The following ZC3H18 variants were observed in gnomAD, a reference collection of about 807,000 sequenced individuals.
ZC3H18 encodes the protein zinc finger CCCH domain-containing protein 18.
ZC3H18 carries 8 observed loss-of-function variants against 106.1 expected under a neutral mutation model. That is an observed-to-expected ratio of 0.08 (90% CI 0.04 to 0.14). ZC3H18 has a LOEUF of 0.14. Ranked by LOEUF, ZC3H18 falls within the 10% of genes least tolerant of loss-of-function variation. The probability of loss-of-function intolerance (pLI) is 1.00; values close to 1 mark genes in which losing one functional copy is unlikely to be tolerated. For missense variants in ZC3H18, 1,318 were observed against 1,278.4 expected, an observed-to-expected ratio of 1.03 and a Z score of -0.47; for synonymous variants, 635 against 522.1, an observed-to-expected ratio of 1.22 and a Z score of -2.95.
In ZC3H18 at chr16:88,575,450, G is replaced by A. The variant is rs1017730315; in HGVS notation, c.-14-1660G>A. ...TCACAGACTGAACAGTCAAGTGACC[G>A]CTGACCTGGCACTGTCCCTGCTGCT... On this transcript the variant is annotated intron_variant, in intron 1 of 17. Transcript: ENST00000301011. 3.9e-5 allele frequency among the ~76,000 whole-genome samples: 6 copies of A among 152,076 alleles called. No homozygotes were observed. The East Asian group carries it at 1.2e-3, about 29-fold the overall frequency.
chr16:88,621,446 G>T (rs186539890), intron 8 of ZC3H18, among the ~76,000 whole-genome samples: 2 of 152,032 alleles, frequency 1.3e-5, no homozygotes, highest in Non-Finnish European at 2.9e-5. Context: ...GGATGGTCTC[G>T]ATCTCTTGAC....
chr16:88,603,100 G>A (rs1055629464), intron 6 of ZC3H18, among the ~76,000 whole-genome samples: 24 of 151,876 alleles, frequency 1.6e-4, no homozygotes, highest in Non-Finnish European at 2.6e-4. Flanking sequence ...GAGTAGCTGG[G>A]ACTACAGGCG....
intron 12 of ZC3H18, 135 bp from the exon 13 acceptor site, chr16:88,625,067 A>G (rs1869247170): frequency 4.8e-6 from 5 of 1,041,434 alleles, no homozygotes; most frequent in Non-Finnish European, 7.0e-6. Context: ...AAAGGAAGAC[A>G]GGCCCAGGCC....
At chr16:88,601,992 G>T (rs187892308) in intron 6 of ZC3H18, among the ~76,000 whole-genome samples, 27 of 152,372 alleles carry the variant, frequency 1.8e-4, no homozygotes, top group Non-Finnish European at 7.3e-5. Context: ...CACCAGGTAG[G>T]TTGCTACAGA....
intron 8 of ZC3H18, among the ~76,000 whole-genome samples, 157 bp downstream of exon 8, chr16:88,611,693 A>G (rs1222023837): frequency 6.6e-6 from 1 of 152,206 alleles, no homozygotes; most frequent in African/African-American, 2.4e-5. Context: ...TTCCAAACCC[A>G]GAGCTCTCCA....
chr16:88,588,013 C>A (rs924934464), intron 3 of ZC3H18, among the ~76,000 whole-genome samples: 1 of 152,268 alleles, frequency 6.6e-6, no homozygotes, highest in South Asian at 2.1e-4. Context: ...TGTGAGGGGC[C>A]CCTACTGGGG....
intron 7 of ZC3H18, 22 bp from the exon 8 acceptor site, chr16:88,611,243 CCAT>C (rs781039380): frequency 1.3e-6 from 1 of 757,320 alleles, no homozygotes. Flanking sequence ...CACGGTGTCC[CCAT>C]GTGTTTGGCT....
intron 6 of ZC3H18, among the ~76,000 whole-genome samples, chr16:88,601,544 TATCAGTGTTG>T (rs767413006): frequency 5.1e-4 from 78 of 151,980 alleles, no homozygotes; most frequent in Non-Finnish European, 9.3e-4. Flanking sequence ...GTGTTTTACC[TATCAGTGTTG>T]GTTACAGAAA....
At chr16:88,614,081 C>G (rs1053305416) in intron 8 of ZC3H18, among the ~76,000 whole-genome samples, 32 of 152,236 alleles carry the variant, frequency 2.1e-4, no homozygotes, top group African/African-American at 7.7e-4. Context: ...CCATGGCCTG[C>G]AGGACTTCCC....
At chr16:88,623,178 C>G in intron 9 of ZC3H18, 41 bp from the exon 10 acceptor site, 1 of 1,600,380 alleles carries the variant, frequency 6.2e-7, no homozygotes, top group South Asian at 1.1e-5. Context: ...GCAGGGAGGG[C>G]CCTTCTCACT....
At chr16:88,588,982 A>T (rs971651611) in intron 3 of ZC3H18, among the ~76,000 whole-genome samples, 13 of 152,056 alleles carry the variant, frequency 8.5e-5, no homozygotes, top group Admixed American at 7.9e-4. Flanking sequence ...TATTCTGTAG[A>T]GTGAGGTGAT....
chr16:88,607,553 A>G (rs1905072259), intron 6 of ZC3H18, among the ~76,000 whole-genome samples: 1 of 151,904 alleles, frequency 6.6e-6, no homozygotes, highest in Admixed American at 6.6e-5. Flanking sequence ...GTCAGGTTTC[A>G]AAACCCCCAT....
chr16:88,631,702 G>A lies in ZC3H18; in HGVS notation c.*403G>A, dbSNP rs1281194939. 4 of 451,326 alleles carry A rather than the reference G, an allele frequency of 8.9e-6. No homozygotes were observed. The highest frequency in any genetic ancestry group is 2.0e-5 in the African/African-American group (1 of 49,716). 28.0% of individuals were successfully genotyped at this position (451,326 alleles called of 1,614,324 possible). A position where few individuals can be genotyped will look rare whatever the true frequency, so the allele number is the denominator to read the frequency against. On this transcript the variant is annotated 3_prime_UTR_variant, in exon 18 of 18. Transcript: ENST00000301011. ...CTCCTGAGCTGAGAAACGGAACCTC[G>A]CGAACCACTGGTGGCACATCCTTCT...
chr16:88,598,928 C>T (rs1490427108), intron 5 of ZC3H18, among the ~76,000 whole-genome samples: 2 of 152,158 alleles, frequency 1.3e-5, no homozygotes, highest in African/African-American at 2.4e-5. Context: ...GGCCCAAACT[C>T]GACTCACTGC....
At chr16:88,599,553 A>G (rs772071825) in intron 5 of ZC3H18, among the ~76,000 whole-genome samples, 1 of 152,172 alleles carries the variant, frequency 6.6e-6, no homozygotes, top group African/African-American at 2.4e-5. Flanking sequence ...GAAGTGATGA[A>G]CACCTCATGT....
chr16:88,599,965 C>T lies in ZC3H18; in HGVS notation c.1088+17C>T, dbSNP rs1904659394. The T allele has an allele frequency of 6.2e-7, 1 of 1,612,148 alleles. No individual in the cohort carries two copies. Among genetic ancestry groups the T allele is most frequent in the Non-Finnish European group, 8.5e-7 (1 of 1,178,802 alleles). ...AGACACAGTGTAAGGAATGGCCCTGCCTGCCCCTCCGTTTCCTTCCTGCAT... is the reference window on the plus strand; with the variant it reads ...AGACACAGTGTAAGGAATGGCCCTGTCTGCCCCTCCGTTTCCTTCCTGCAT... On this transcript the variant is annotated intron_variant, in intron 6 of 17. Transcript: ENST00000301011.
chr16:88,625,493 C>T lies in ZC3H18; in HGVS notation c.2108+226C>T. The T allele has an allele frequency of 6.9e-6, 4 of 582,072 alleles. No individual in the cohort carries two copies. The South Asian group carries it at 8.0e-5, about 12-fold the overall frequency. 36.1% of individuals were successfully genotyped at this position (582,072 alleles called of 1,614,324 possible). A position where few individuals can be genotyped will look rare whatever the true frequency, so the allele number is the denominator to read the frequency against. On this transcript the variant is annotated intron_variant, in intron 13 of 17. Coordinates refer to ENST00000301011, the MANE Select transcript of ZC3H18 (RefSeq NM_144604.4). Reference sequence around the variant, plus strand: ...CCTCCCCCCACCAAAAAAAGATTCACAAACTCGGGGGCACTCAGGTCAGGA... The same window carrying T: ...CCTCCCCCCACCAAAAAAAGATTCATAAACTCGGGGGCACTCAGGTCAGGA...
At chr16:88,588,157 G>A (rs1915544768) in intron 3 of ZC3H18, among the ~76,000 whole-genome samples, 1 of 152,226 alleles carries the variant, frequency 6.6e-6, no homozygotes, top group Admixed American at 6.5e-5. Flanking sequence ...TGGAATTTAA[G>A]CAGAAGACCT....
At chr16:88,593,026 G>T (rs769216117) in intron 3 of ZC3H18, among the ~76,000 whole-genome samples, 1 of 152,118 alleles carries the variant, frequency 6.6e-6, no homozygotes, top group Non-Finnish European at 1.5e-5. Flanking sequence ...TATAAGTTAC[G>T]CACAGTAAGA....
Sources: allele counts gnomAD v4.1 joint callset (sites outside exome capture counted in the v4.1 genomes callset), GRCh38; gene constraint gnomAD v4.1.1; transcripts MANE v1.5; gene names NCBI Gene and HGNC (gene_info 2026-07-23, HGNC 2026-07-21).